CDH9: variants seen among roughly 807,000 people sequenced by gnomAD.
CDH9 encodes cadherin 9, also known as cadherin-9.
CDH9 carries 28 observed loss-of-function variants against 70.9 expected under a neutral mutation model. That is an observed-to-expected ratio of 0.40 (90% CI 0.29 to 0.54). The LOEUF is 0.54. Among genes scored for constraint, CDH9 ranks in the 20% least tolerant of loss-of-function variants. CDH9 has a pLI of 0.59. For synonymous variants in CDH9, 409 were observed against 343.1 expected (o/e 1.19, Z -2.12); for missense variants, 874 against 984.4 (o/e 0.89, Z 1.50).
chr5:26,908,748 TAAAAGC>T (rs1488303247), intron 3 of CDH9, among the ~76,000 whole-genome samples: 1 of 152,182 alleles, frequency 6.6e-6, no homozygotes, highest in Non-Finnish European at 1.5e-5. Flanking sequence ...GCCAAAAAGC[TAAAAGC>T]ACACATAAAA....
chr5:26,909,922 G>C (rs1056833264), intron 3 of CDH9, among the ~76,000 whole-genome samples: 1 of 151,608 alleles, frequency 6.6e-6, no homozygotes, highest in Admixed American at 6.6e-5. Context: ...CTCTGGATAT[G>C]GGAGAAAAAT....
intron 1 of CDH9, among the ~76,000 whole-genome samples, chr5:27,016,452 A>C (rs1367634866): frequency 6.6e-6 from 1 of 151,806 alleles, no homozygotes; most frequent in Non-Finnish European, 1.5e-5. Context: ...AAGAGAACCC[A>C]CTTTTCCAAT....
chr5:26,998,041 A>G (rs1742697165), intron 1 of CDH9, among the ~76,000 whole-genome samples: 1 of 152,064 alleles, frequency 6.6e-6, no homozygotes, highest in African/African-American at 2.4e-5. Flanking sequence ...AAGGTTTTAA[A>G]GTTGATATGC....
chr5:26,968,329 A>G (rs1280107076), intron 2 of CDH9, among the ~76,000 whole-genome samples: 1 of 151,964 alleles, frequency 6.6e-6, no homozygotes, highest in African/African-American at 2.4e-5. Context: ...TCTGTTGCCC[A>G]GGCTGGAGTG....
intron 2 of CDH9, among the ~76,000 whole-genome samples, chr5:26,947,352 A>G (rs2112042721): frequency 6.6e-6 from 1 of 152,252 alleles, no homozygotes; most frequent in Non-Finnish European, 1.5e-5. Context: ...AACCATTAAA[A>G]CTGTTACAGA....
intron 9 of CDH9, among the ~76,000 whole-genome samples, chr5:26,888,741 G>A (rs1050326073): frequency 6.6e-6 from 1 of 152,160 alleles, no homozygotes; most frequent in Non-Finnish European, 1.5e-5. Flanking sequence ...GAGAATGTAA[G>A]GTTGAGATCT....
intron 2 of CDH9, among the ~76,000 whole-genome samples, chr5:26,964,002 A>C (rs755801041): frequency 1.4e-4 from 21 of 152,166 alleles, no homozygotes; most frequent in Non-Finnish European, 2.9e-4. Flanking sequence ...ATTTAACATT[A>C]ACCTTTTCCA....
intron 1 of CDH9, among the ~76,000 whole-genome samples, chr5:26,991,615 G>T (rs1742579902): frequency 1.3e-5 from 2 of 152,058 alleles, no homozygotes; most frequent in African/African-American, 4.8e-5. Context: ...AAAAATCCTT[G>T]TCTCAGGTTT....
At chr5:26,971,711 C>T (rs940884850) in intron 2 of CDH9, among the ~76,000 whole-genome samples, 2 of 151,950 alleles carry the variant, frequency 1.3e-5, no homozygotes, top group Non-Finnish European at 2.9e-5. Context: ...GGATAGGAAA[C>T]GTAAGGGGGT....
At chr5:27,029,283 G>C (rs1381372349) in intron 1 of CDH9, among the ~76,000 whole-genome samples, 1 of 151,918 alleles carries the variant, frequency 6.6e-6, no homozygotes, top group East Asian at 1.9e-4. Flanking sequence ...CTTCACACAG[G>C]GTTAGTTCCT....
intron 2 of CDH9, among the ~76,000 whole-genome samples, chr5:26,948,310 G>A (rs951853409): frequency 1.5e-4 from 23 of 152,164 alleles, no homozygotes; most frequent in Admixed American, 8.5e-4. Context: ...CAATATTTGC[G>A]GCTTAGCCAA....
intron 7 of CDH9, among the ~76,000 whole-genome samples, chr5:26,893,068 C>T (rs1740688682): frequency 6.6e-6 from 1 of 152,138 alleles, no homozygotes; most frequent in African/African-American, 2.4e-5. Context: ...GGTGAACATA[C>T]ATTAACCTAA....
At chr5:26,952,495 C>A (rs1340623777) in intron 2 of CDH9, among the ~76,000 whole-genome samples, 8 of 106,608 alleles carry the variant, frequency 7.5e-5, no homozygotes, top group Non-Finnish European at 1.3e-4. Flanking sequence ...AAAAGCCGGG[C>A]GTGGTGGGAG....
intron 2 of CDH9, among the ~76,000 whole-genome samples, chr5:26,971,108 A>C (rs146109683): frequency 1.3e-5 from 2 of 152,278 alleles, no homozygotes; most frequent in East Asian, 3.9e-4. Flanking sequence ...GCTTCTTTTC[A>C]GCTTTATGCA....
chr5:26,913,610 T>C (rs942238520), intron 3 of CDH9, among the ~76,000 whole-genome samples: 1 of 152,118 alleles, frequency 6.6e-6, no homozygotes, highest in Non-Finnish European at 1.5e-5. Flanking sequence ...CTTTAAAGCT[T>C]ATGTAAATGA....
chr5:26,957,946 C>T (rs1459645975), intron 2 of CDH9, among the ~76,000 whole-genome samples: 2 of 152,134 alleles, frequency 1.3e-5, no homozygotes, highest in Non-Finnish European at 2.9e-5. Flanking sequence ...CAAAGTTAGT[C>T]TCCCATTCAG....
At chr5:26,961,252 T>C (rs1394949096) in intron 2 of CDH9, among the ~76,000 whole-genome samples, 1 of 152,164 alleles carries the variant, frequency 6.6e-6, no homozygotes, top group Non-Finnish European at 1.5e-5. Flanking sequence ...TTACCATTTT[T>C]TGTGAAGAAA....
chr5:27,001,700 C>T (rs1358940792), intron 1 of CDH9, among the ~76,000 whole-genome samples: 2 of 152,078 alleles, frequency 1.3e-5, no homozygotes, highest in Admixed American at 6.6e-5. Flanking sequence ...TAACCTAGCT[C>T]TTAGTGTCTA....
At chr5:26,971,296 A>G (rs1032216904) in intron 2 of CDH9, among the ~76,000 whole-genome samples, 1 of 152,202 alleles carries the variant, frequency 6.6e-6, no homozygotes, top group African/African-American at 2.4e-5. Context: ...TATATCTCAT[A>G]GAATACAAAC....
Sources: allele counts gnomAD v4.1 joint callset (sites outside exome capture counted in the v4.1 genomes callset), GRCh38; gene constraint gnomAD v4.1.1; transcripts MANE v1.5; gene names NCBI Gene and HGNC (gene_info 2026-07-23, HGNC 2026-07-21).